GSDMA: variants seen among roughly 807,000 people sequenced by gnomAD.
The protein encoded by GSDMA is gasdermin-A.
Under a neutral mutation model 54.3 loss-of-function variants are expected in GSDMA, and 55 were observed. The ratio of observed to expected loss-of-function variants is 1.01; its 90% confidence interval spans 0.82 to 1.27. The LOEUF (loss-of-function observed/expected upper bound fraction) is 1.27, where lower values mean the gene tolerates loss of function less well. Among genes scored for constraint, GSDMA ranks in the 50% most tolerant of loss-of-function variants. GSDMA has a pLI of 0.00. For missense variants in GSDMA, 542 were observed against 542.6 expected, an observed-to-expected ratio of 1.00 and a Z score of 0.01; for synonymous variants, 211 against 224.7, an observed-to-expected ratio of 0.94 and a Z score of 0.54.
At chr17:39,971,365 C>G (rs1979929674) in intron 4 of GSDMA, among the ~76,000 whole-genome samples, 159 bp from the exon 5 acceptor site, 1 of 152,136 alleles carries the variant, frequency 6.6e-6, no homozygotes, top group South Asian at 2.1e-4. Flanking sequence ...CTTTGAAGTC[C>G]TTCCTCAGAG....
intron 5 of GSDMA, among the ~76,000 whole-genome samples, chr17:39,971,837 G>A (rs1173994958): frequency 6.6e-6 from 1 of 152,178 alleles, no homozygotes. Flanking sequence ...GGTTATTGGG[G>A]GAGGGGGTAC....
At position 39,977,257 on chromosome 17, in the gene GSDMA, T is replaced by A; in HGVS notation, c.*199T>A. ...CCAGCTCCGCAACCCACTAAGCCCA[T>A]CTGCTGATGCTTAAATTTTCTTTAC... On this transcript the variant is annotated 3_prime_UTR_variant, in exon 12 of 12. Transcript: ENST00000301659. The A allele has an allele frequency of 1.9e-6, 1 of 515,686 alleles. No homozygotes were observed. Among genetic ancestry groups the A allele is most frequent in the Non-Finnish European group, 3.4e-6 (1 of 294,766 alleles). 31.9% of individuals were successfully genotyped at this position (515,686 alleles called of 1,614,324 possible). A position where few individuals can be genotyped will look rare whatever the true frequency, so the allele number is the denominator to read the frequency against.
chr17:39,976,078 A>C (rs1980187436), intron 11 of GSDMA, 81 bp downstream of exon 11: 1 of 1,001,764 alleles, frequency 1.0e-6, no homozygotes, highest in Non-Finnish European at 1.5e-6. Context: ...CTAAGGATGG[A>C]GCCATTCTGG....
chr17:39,969,776 C>A (rs1408621469), intron 3 of GSDMA, among the ~76,000 whole-genome samples: 1 of 152,050 alleles, frequency 6.6e-6, no homozygotes, highest in Non-Finnish European at 1.5e-5. Flanking sequence ...ATCGCTTGAA[C>A]CCGGGAGGCA....
intron 10 of GSDMA, 134 bp downstream of exon 10, chr17:39,975,148 T>A (rs1203221760): frequency 1.6e-6 from 1 of 634,628 alleles, no homozygotes; most frequent in Non-Finnish European, 2.8e-6. Flanking sequence ...ATATCTACAT[T>A]TTTATAAATT....
intron 6 of GSDMA, 63 bp from the exon 7 acceptor site, chr17:39,972,524 G>C (rs1979999034): frequency 6.6e-7 from 1 of 1,518,302 alleles, no homozygotes; most frequent in African/African-American, 1.4e-5. Context: ...CTTGAAGACT[G>C]TTTTAGATGA....
intron 5 of GSDMA, among the ~76,000 whole-genome samples, 186 bp from the exon 6 acceptor site, chr17:39,971,943 A>C (rs1288565246): frequency 1.3e-5 from 2 of 152,214 alleles, no homozygotes; most frequent in Non-Finnish European, 2.9e-5. Flanking sequence ...TAGTGTTCTC[A>C]TAGTAGAGAA....
intron 3 of GSDMA, among the ~76,000 whole-genome samples, chr17:39,966,789 G>T (rs1005978448): frequency 2.0e-5 from 3 of 152,114 alleles, no homozygotes; most frequent in Non-Finnish European, 2.9e-5. Flanking sequence ...CATCTCTAAG[G>T]CTCCTTCTAA....
intron 1 of GSDMA, among the ~76,000 whole-genome samples, chr17:39,963,651 C>G (rs1443666368): frequency 6.6e-6 from 1 of 152,126 alleles, no homozygotes; most frequent in Admixed American, 6.5e-5. Context: ...GTCAGGAGTT[C>G]AAGACCAGCC....
Position 39,970,771 on chromosome 17 carries a change from G to A in GSDMA, c.558+124G>A, listed in dbSNP as rs192810639. 2.4e-3 allele frequency: 2,182 copies of A among 899,366 alleles called. 6 individuals carry two copies. Among genetic ancestry groups the A allele is most frequent in the Middle Eastern group, 8.7e-3 (21 of 2,422 alleles). The allele number at this position is 899,366 out of a possible 1,614,324, so 55.7% of individuals were successfully genotyped here. ...CTTTGCCTGATCAGCGCCCACCGAG[G>A]ATGCTGAAAAGGGCCACTCCTTCCC... is the stretch of plus-strand genomic sequence containing the variant. On this transcript the variant is annotated intron_variant, in intron 4 of 11. Transcript: ENST00000301659.
At position 39,976,843 on chromosome 17, in the gene GSDMA, C is replaced by T. The variant is rs1279349898; in HGVS notation, c.1123C>T (p.Leu375=). 1.2e-6 allele frequency: 2 copies of T among 1,613,928 alleles called. No individual in the cohort carries two copies. The highest frequency in any genetic ancestry group is 2.2e-5 in the South Asian group (2 of 91,080). The change falls in exon 12 of 12, where the codon CTG becomes TTG. Residue 375 remains leucine, a synonymous_variant. Transcript: ENST00000301659. ...GGAGAGCACGATGGAACAGAACTTC[C>T]TGCTGGATAAAGAGGGTGTTTTCCC... The part of the protein sequence containing the change: ...LVESTMEQNF[L]LDKEGVFPLQ...
At chr17:39,975,785 C>G in intron 10 of GSDMA, 139 bp from the exon 11 acceptor site, 1 of 582,890 alleles carries the variant, frequency 1.7e-6, no homozygotes, top group Non-Finnish European at 3.0e-6. Flanking sequence ...AAAGTGGACC[C>G]CTCAGCTATG....
At chr17:39,971,746 A>G (rs919907727) in intron 5 of GSDMA, 126 bp downstream of exon 5, 3 of 693,156 alleles carry the variant, frequency 4.3e-6, no homozygotes, top group African/African-American at 3.6e-5. Context: ...CTGTGATCCG[A>G]CTGCAGCCAT....
At chr17:39,968,420 T>G (rs1288494458) in intron 3 of GSDMA, among the ~76,000 whole-genome samples, 3 of 136,874 alleles carry the variant, frequency 2.2e-5, no homozygotes, top group Non-Finnish European at 4.6e-5. Flanking sequence ...CGATACCAGG[T>G]CACTGCAACC....
chr17:39,966,580 A>G, intron 3 of GSDMA, 143 bp downstream of exon 3: 1 of 707,668 alleles, frequency 1.4e-6, no homozygotes, highest in Non-Finnish European at 2.2e-6. Flanking sequence ...CTTGGAGGCA[A>G]CCCTTCTGGC....
intron 9 of GSDMA, 117 bp from the exon 10 acceptor site, chr17:39,974,783 G>A (rs1432532104): frequency 2.6e-5 from 18 of 693,686 alleles, no homozygotes; most frequent in Non-Finnish European, 3.8e-5. Context: ...ATGAGGCCTC[G>A]AAAAAGAAAT....
Position 39,974,946 on chromosome 17 carries a change from T to C in GSDMA, c.953T>C (p.Leu318Pro), listed in dbSNP as rs1980135362. The C allele has an allele frequency of 6.2e-7, 1 of 1,612,402 alleles. No homozygotes were observed. Among genetic ancestry groups the C allele is most frequent in the Non-Finnish European group, 8.5e-7 (1 of 1,179,296 alleles). The change falls in exon 10 of 12, where the codon CTC (leucine) becomes CCC (proline). Residue 318 changes from leucine (L) to proline (P), a missense_variant. By Grantham distance (98) the Leu-to-Pro change is moderately conservative. Coordinates refer to ENST00000301659, the MANE Select transcript of GSDMA (RefSeq NM_178171.5). ...DKGHEVTLEA[L>P]PKDVLLSKEA... ...GGACATGAAGTGACCCTGGAGGCAC[T>C]CCCAAAAGATGTCCTGCTATCAAAG...
At chr17:39,974,041 G>A (rs1323667713) in intron 8 of GSDMA, among the ~76,000 whole-genome samples, 2 of 152,206 alleles carry the variant, frequency 1.3e-5, no homozygotes, top group African/African-American at 2.4e-5. Context: ...TAACTGTTGG[G>A]TTAGATGATA....
At chr17:39,969,377 GAGTT>G (rs1250429923) in intron 3 of GSDMA, among the ~76,000 whole-genome samples, 2 of 151,208 alleles carry the variant, frequency 1.3e-5, no homozygotes, top group Non-Finnish European at 2.9e-5. Flanking sequence ...CTATAGGAGT[GAGTT>G]GGGTGTGGGG....
Sources: gnomAD v4.1 joint callset for allele counts (sites outside exome capture counted in the v4.1 genomes callset) on GRCh38, gnomAD v4.1.1 for gene constraint, MANE v1.5 for transcripts, NCBI Gene and HGNC (gene_info 2026-07-23, HGNC 2026-07-21) for gene names.